The following ACOT11 variants were observed in gnomAD, a reference collection of about 807,000 sequenced individuals.
The protein encoded by ACOT11 is acyl-coenzyme A thioesterase 11.
ACOT11 carries 69 observed loss-of-function variants against 77.5 expected under a neutral mutation model. The observed-to-expected ratio is 0.89, with a 90% confidence interval of 0.73 to 1.09. The LOEUF is 1.09. Among genes scored for constraint, ACOT11 ranks in the 50% least tolerant of loss-of-function variants. The pLI, the probability that ACOT11 is intolerant of heterozygous loss-of-function variation, is 0.00. For missense variants in ACOT11, 766 were observed against 813.7 expected (o/e 0.94, Z 0.71); for synonymous variants, 279 against 313.0 (o/e 0.89, Z 1.15).
At chr1:54,614,757 T>C (rs1644153583), downstream of ACOT11, 1 of 1,614,134 alleles carries the variant, frequency 6.2e-7, no homozygotes, top group African/African-American at 1.3e-5. Context: ...GATGTCAGCG[T>C]TGATCCATAT....
At chr1:54,601,143 GTGTGTGTGTGCATGCA>G in intron 8 of ACOT11, 110 bp from the exon 9 acceptor site, 1 of 1,090,214 alleles carries the variant, frequency 9.2e-7, no homozygotes, top group Non-Finnish European at 1.3e-6. Flanking sequence ...GTGCATACGT[GTGTGTGTGTGCATGCA>G]TGTGTGTGGG....
At chr1:54,610,585 T>G (rs755219392), downstream of ACOT11, 1 of 1,602,322 alleles carries the variant, frequency 6.2e-7, no homozygotes, top group Non-Finnish European at 8.5e-7. Flanking sequence ...CAAGGTGAAG[T>G]GGCTGCCATT....
rs371880932 is a variant in ACOT11, at chr1:54,548,296, G to A, written c.-14G>A. 502 of 1,591,552 alleles carry A rather than the reference G, an allele frequency of 3.2e-4. 1 individual carries two copies. Among genetic ancestry groups the A allele is most frequent in the East Asian group, 2.9e-3 (128 of 43,970 alleles). ...TCTCTGGGAGGGCGCTGCTTTCCCCGGCCACCCGGCGCGATGATCCAGAAT... is the reference window on the plus strand; with the variant it reads ...TCTCTGGGAGGGCGCTGCTTTCCCCAGCCACCCGGCGCGATGATCCAGAAT... On this transcript the variant is annotated 5_prime_UTR_variant, in exon 1 of 16. Coordinates refer to ENST00000343744, the MANE Select transcript of ACOT11 (RefSeq NM_147161.4).
In ACOT11 at chr1:54,599,422, G is replaced by T; in HGVS notation, c.884+7G>T. ...ACAATGCCTTCAAACATAGGTGAGG[G>T]TCTGGGATGGGTGCGGCCACGTCCA... On this transcript the variant is annotated splice_region_variant and intron_variant, in intron 8 of 15. Coordinates refer to ENST00000343744, the MANE Select transcript of ACOT11 (RefSeq NM_147161.4). 6.3e-7 allele frequency: 1 copy of T among 1,598,690 alleles called. No homozygotes were observed. Among genetic ancestry groups the T allele is most frequent in the South Asian group, 1.1e-5 (1 of 89,666 alleles).
chr1:54,562,498 C>A (rs1362663700), intron 1 of ACOT11, among the ~76,000 whole-genome samples: 3 of 49,766 alleles, frequency 6.0e-5, no homozygotes, highest in African/African-American at 2.0e-4. Flanking sequence ...GGGGGCTGAC[C>A]CCCCCACCTC....
chr1:54,557,742 T>G (rs916924648), intron 1 of ACOT11, among the ~76,000 whole-genome samples: 1 of 152,236 alleles, frequency 6.6e-6, no homozygotes, highest in African/African-American at 2.4e-5. Context: ...CCTGCAACTT[T>G]ACTGAATTTA....
Position 54,616,095 on chromosome 1 carries a change from C to G in ACOT11, c.1629+8027C>G, listed in dbSNP as rs781404698. 5.6e-6 allele frequency: 9 copies of G among 1,613,956 alleles called. No homozygotes were observed. The South Asian group carries it at 8.8e-5, about 16-fold the overall frequency. Reference sequence around the variant, plus strand: ...TCACTGTAGATAGTGGGGGGGTGTGCCATGATGGGAACTCCTGTCTCATTG... The same window carrying G: ...TCACTGTAGATAGTGGGGGGGTGTGGCATGATGGGAACTCCTGTCTCATTG... On this transcript the variant is annotated intron_variant, in intron 15 of 16. Transcript: ENST00000371316.
intron 15 of ACOT11, among the ~76,000 whole-genome samples, chr1:54,626,779 C>T (rs1338274345): frequency 7.4e-6 from 1 of 135,006 alleles, no homozygotes; most frequent in African/African-American, 2.5e-5. Context: ...ATGAGGGCAC[C>T]CCCTGCACAA....
At chr1:54,550,229 G>A (rs1006251300) in intron 1 of ACOT11, among the ~76,000 whole-genome samples, 25 of 152,152 alleles carry the variant, frequency 1.6e-4, no homozygotes, top group African/African-American at 5.6e-4. Flanking sequence ...CAACCCACAC[G>A]TCCTGACTCT....
chr1:54,601,807 C>T (rs1304684725), intron 9 of ACOT11, among the ~76,000 whole-genome samples: 2 of 152,356 alleles, frequency 1.3e-5, no homozygotes, highest in African/African-American at 4.8e-5. Context: ...CCCTACCTCA[C>T]AGGACTGTGG....
intron 1 of ACOT11, among the ~76,000 whole-genome samples, chr1:54,570,484 AG>A (rs956644019): frequency 2.0e-5 from 3 of 152,180 alleles, no homozygotes; most frequent in Admixed American, 6.5e-5. Context: ...CTTCCTCACT[AG>A]AATGGTTTTC....
At chr1:54,611,056 A>G (rs1041162647), downstream of ACOT11, 13 of 973,054 alleles carry the variant, frequency 1.3e-5, no homozygotes, top group African/African-American at 1.8e-5. Flanking sequence ...GCTGGGCCAC[A>G]TAAAAGCTGA....
exon 17 of ACOT11, chr1:54,635,387 G>T: frequency 3.3e-6 from 1 of 300,024 alleles, no homozygotes; most frequent in Non-Finnish European, 6.3e-6. Context: ...GCGGTATAGT[G>T]GCACCTCAAC....
chr1:54,594,536 C>A lies in ACOT11; in HGVS notation c.472-20C>A. On this transcript the variant is annotated intron_variant, in intron 5 of 15. Coordinates refer to ENST00000343744, the MANE Select transcript of ACOT11 (RefSeq NM_147161.4). ...GGAGACTTGCCCTGAGTGTCCCCCA[C>A]CCTGTCCCCTGGCCGACAGGTGAAG... 6.2e-7 allele frequency: 1 copy of A among 1,606,150 alleles called. No homozygotes were observed. The highest frequency in any genetic ancestry group is 8.5e-7 in the Non-Finnish European group (1 of 1,175,728).
In ACOT11 at chr1:54,607,134, G is replaced by A; in HGVS notation, c.1371G>A (p.Arg457=). The A allele has an allele frequency of 1.2e-6, 2 of 1,614,092 alleles. No homozygotes were observed. The highest frequency in any genetic ancestry group is 1.7e-6 in the Non-Finnish European group (2 of 1,180,012). The change falls in exon 14 of 16, where the codon CGG becomes CGA. Residue 457 remains arginine (R), a splice_region_variant and synonymous_variant. Transcript: ENST00000343744. This position sits in a 1 kb window ranked among gnomAD's most constrained non-coding sequence, Gnocchi z 4.5. ...CACTGAGATCCCGGCCTCCCCACAG[G>A]AGCGTGGAGCTAGTGCAGCAGGTAG... The part of the protein sequence containing the change: ...RQRPEWDKHY[R]SVELVQQVDE...
At chr1:54,625,747 G>A (rs1342279979) in intron 15 of ACOT11, among the ~76,000 whole-genome samples, 2 of 151,804 alleles carry the variant, frequency 1.3e-5, no homozygotes, top group African/African-American at 4.8e-5. Context: ...AGACCAGCCT[G>A]ACCAACATGG....
intron 1 of ACOT11, among the ~76,000 whole-genome samples, chr1:54,556,260 C>T (rs1653255993): frequency 6.6e-6 from 1 of 152,118 alleles, no homozygotes; most frequent in Admixed American, 6.6e-5. Flanking sequence ...GTTTTTATAC[C>T]ACTACCATAC....
At position 54,607,288 on chromosome 1, in the gene ACOT11, G is replaced by T. The variant is rs1644037729; in HGVS notation, c.1502+23G>T. On this transcript the variant is annotated intron_variant, in intron 14 of 15. Coordinates refer to ENST00000343744, the MANE Select transcript of ACOT11 (RefSeq NM_147161.4). The surrounding 1 kb of genome is among the most constrained non-coding windows in gnomAD (Gnocchi z 4.5). ...TGGGTGTGTGCCTATCTGCTGTGGG[G>T]TGGGGGACACAACTGGACAGGGTGG... is the stretch of plus-strand genomic sequence containing the variant. 1.2e-6 allele frequency: 2 copies of T among 1,613,650 alleles called. No individual in the cohort carries two copies. The highest frequency in any genetic ancestry group is 1.7e-6 in the Non-Finnish European group (2 of 1,179,762).
At chr1:54,608,887 C>T (rs963092858) in intron 15 of ACOT11, 70 bp from the exon 16 acceptor site, 7 of 1,500,360 alleles carry the variant, frequency 4.7e-6, no homozygotes, top group Non-Finnish European at 6.4e-6. Context: ...CTCGTGCCCA[C>T]TGGGCTCCCA....
Sources: gnomAD v4.1 joint callset for allele counts (sites outside exome capture counted in the v4.1 genomes callset) on GRCh38, gnomAD v4.1.1 for gene constraint, Gnocchi (gnomAD v3.1) non-coding constraint, MANE v1.5 for transcripts, NCBI Gene and HGNC (gene_info 2026-07-23, HGNC 2026-07-21) for gene names.